CLHC1: variants seen among roughly 807,000 people sequenced by gnomAD.
CLHC1 encodes the protein clathrin heavy chain linker domain containing 1.
A neutral mutation model predicts 69.5 loss-of-function variants in CLHC1; 72 were observed. The ratio of observed to expected loss-of-function variants is 1.04; its 90% confidence interval spans 0.86 to 1.26. CLHC1 has a LOEUF of 1.26. Ranked by LOEUF, CLHC1 falls within the 50% of genes most tolerant of loss-of-function variation. The probability of loss-of-function intolerance (pLI) is 0.00; values close to 1 mark genes in which losing one functional copy is unlikely to be tolerated. For missense variants in CLHC1, 790 were observed against 679.3 expected (o/e 1.16, Z -1.81); for synonymous variants, 223 against 224.3 (o/e 0.99, Z 0.05).
chr2:55,193,343 A>T (rs1175245922), intron 9 of CLHC1, among the ~76,000 whole-genome samples: 1 of 152,188 alleles, frequency 6.6e-6, no homozygotes, highest in Non-Finnish European at 1.5e-5. Flanking sequence ...TTTAAATTAA[A>T]AAGAGTGAAA....
intron 9 of CLHC1, among the ~76,000 whole-genome samples, chr2:55,195,116 C>T (rs1350656027): frequency 6.6e-6 from 1 of 152,138 alleles, no homozygotes. Context: ...GTATTATTAA[C>T]TATAGTCAAC....
In CLHC1 at chr2:55,209,450, T is replaced by A; in HGVS notation, c.768A>T (p.Pro256=). 1 of 1,611,792 alleles carries A rather than the reference T, an allele frequency of 6.2e-7. No homozygotes were observed. The stretch of plus-strand genomic sequence containing the variant: ...GAATTTGCTCCACAAAGTCTTGAAA[T>A]GGGCTGCTCATATCAGATTTTACCC... ...SSWVKSDMSS[P]FQDFVEQIQK... The change falls in exon 7 of 13, where the codon CCA becomes CCT. Residue 256 remains proline, a synonymous_variant. Coordinates refer to ENST00000401408, the MANE Select transcript of CLHC1 (RefSeq NM_152385.4).
At chr2:55,180,798 G>GAACT in intron 10 of CLHC1, 86 bp from the exon 11 acceptor site, 1 of 1,083,840 alleles carries the variant, frequency 9.2e-7, no homozygotes, top group Non-Finnish European at 1.4e-6. Context: ...CAGCACAGTA[G>GAACT]GACTGGATTT....
In CLHC1 at chr2:55,174,108, T is replaced by C. The variant is rs1290985682; in HGVS notation, c.*1682A>G. Among the ~76,000 whole-genome samples the C allele has an allele frequency of 6.6e-6, 1 of 152,130 alleles. No individual in the cohort carries two copies. Among genetic ancestry groups the C allele is most frequent in the African/African-American group, 2.4e-5 (1 of 41,418 alleles). ...TTCCATTCCTTTTTTCCATCCTTTA[T>C]CTGCTCTTTTCAACAGCCTGTATGA... On this transcript the variant is annotated 3_prime_UTR_variant, in exon 13 of 13. Coordinates refer to ENST00000401408, the MANE Select transcript of CLHC1 (RefSeq NM_152385.4).
chr2:55,210,447 C>A (rs1362076652), intron 5 of CLHC1, among the ~76,000 whole-genome samples: 6 of 152,056 alleles, frequency 3.9e-5, no homozygotes, highest in Non-Finnish European at 8.8e-5. Context: ...TCGCTCGCCT[C>A]GGCCTCTCAA....
At chr2:55,228,957 C>G (rs537845074) in intron 1 of CLHC1, among the ~76,000 whole-genome samples, 4 of 152,018 alleles carry the variant, frequency 2.6e-5, no homozygotes, top group Admixed American at 2.0e-4. Context: ...TGAGATCAGT[C>G]TGGCCAACAT....
At position 55,172,906 on chromosome 2, in the gene CLHC1, CT is replaced by C. The variant is rs1669078147; in HGVS notation, c.*2883del. On this transcript the variant is annotated 3_prime_UTR_variant, in exon 13 of 13. Transcript: ENST00000401408. ...AAATTTTTTTCATTAGACTAGACTTCTGTTCAACATCTCTAAACCTTTCCAA... is the reference window on the plus strand; with the variant it reads ...AAATTTTTTTCATTAGACTAGACTTCGTTCAACATCTCTAAACCTTTCCAA... 6.6e-6 allele frequency among the ~76,000 whole-genome samples: 1 copy of C among 152,158 alleles called. No homozygotes were observed. Among genetic ancestry groups the C allele is most frequent in the South Asian group, 2.1e-4 (1 of 4,820 alleles).
In CLHC1 at chr2:55,174,041, G is replaced by A. The variant is rs958657196; in HGVS notation, c.*1749C>T. Among the ~76,000 whole-genome samples the A allele has an allele frequency of 1.4e-5, 2 of 147,082 alleles. No homozygotes were observed. Among genetic ancestry groups the A allele is most frequent in the African/African-American group, 2.5e-5 (1 of 39,794 alleles). ...AAAAAAAAAAAAAAGGTTTTAAGCC[G>A]TTGGCACACAAAGAACCAGTGCTGC... On this transcript the variant is annotated 3_prime_UTR_variant, in exon 13 of 13. Transcript: ENST00000401408.
intron 1 of CLHC1, among the ~76,000 whole-genome samples, chr2:55,228,843 C>T (rs965958562): frequency 2.0e-5 from 3 of 151,982 alleles, no homozygotes; most frequent in Non-Finnish European, 4.4e-5. Flanking sequence ...CATGTAGAAA[C>T]AGACAACACA....
At chr2:55,216,140 G>T (rs1370669503) in intron 4 of CLHC1, 2 of 139,494 alleles carry the variant, frequency 1.4e-5, no homozygotes, top group Non-Finnish European at 3.1e-5. Flanking sequence ...AAAAAAATTA[G>T]CCGGGCATGG....
intron 9 of CLHC1, among the ~76,000 whole-genome samples, chr2:55,199,467 T>A (rs534451430): frequency 6.6e-6 from 1 of 152,240 alleles, no homozygotes; most frequent in East Asian, 1.9e-4. Flanking sequence ...ATTACTCATA[T>A]CTTAAGTAGA....
intron 9 of CLHC1, among the ~76,000 whole-genome samples, chr2:55,205,400 TACACAC>T (rs35508061): frequency 1.4e-5 from 2 of 147,700 alleles, no homozygotes; most frequent in Non-Finnish European, 3.0e-5. Context: ...ATAAAGAAAA[TACACAC>T]ACACACACAC....
chr2:55,231,844 T>G (rs1249451874), intron 1 of CLHC1: 1 of 152,184 alleles, frequency 6.6e-6, no homozygotes, highest in Non-Finnish European at 1.5e-5. Flanking sequence ...ACTTTAAAAT[T>G]TGAAAACTCC....
intron 9 of CLHC1, among the ~76,000 whole-genome samples, chr2:55,187,141 C>T (rs1670489747): frequency 6.6e-6 from 1 of 151,720 alleles, no homozygotes; most frequent in South Asian, 2.1e-4. Context: ...AGAAATTAGC[C>T]AGGCATGGTG....
chr2:55,208,657 C>T lies in CLHC1; in HGVS notation c.868G>A (p.Glu290Lys), dbSNP rs1247392603. The T allele has an allele frequency of 4.3e-6, 7 of 1,612,284 alleles. No individual in the cohort carries two copies. Among genetic ancestry groups the T allele is most frequent in the Admixed American group, 1.7e-5 (1 of 59,944 alleles). ...LMEDDPRRAK[E>K]AEIMLHYIER... is the part of the protein sequence containing the mutation. ...ATGTAGTGAAGCATAATTTCAGCTTCTTTTGCCCTGCGTGGATCATCTTCC... is the reference window on the plus strand; with the variant it reads ...ATGTAGTGAAGCATAATTTCAGCTTTTTTTGCCCTGCGTGGATCATCTTCC... Residue 290 changes from glutamate (E) to lysine (K), a missense_variant, in exon 8 of 13, where the codon GAA becomes AAA. Coordinates refer to ENST00000401408, the MANE Select transcript of CLHC1 (RefSeq NM_152385.4).
Position 55,175,912 on chromosome 2 carries a change from A to T in CLHC1, c.1639T>A (p.Ser547Thr), listed in dbSNP as rs1669344374. ...EKWQEVANIC[S>T]QNGFDKLSND... ...GATAATTTGTCAAAGCCATTCTGTGAACATATATTTGCCACTTCTTGCCAC... is the reference window on the plus strand; with the variant it reads ...GATAATTTGTCAAAGCCATTCTGTGTACATATATTTGCCACTTCTTGCCAC... The change falls in exon 13 of 13, where the codon TCA (serine) becomes ACA (threonine). Residue 547 changes from serine to threonine, a missense_variant. Physicochemically the swap from Ser to Thr is moderately conservative, Grantham distance 58 (BLOSUM62 1). Coordinates refer to ENST00000401408, the MANE Select transcript of CLHC1 (RefSeq NM_152385.4). The T allele has an allele frequency of 6.2e-7, 1 of 1,614,076 alleles. No individual in the cohort carries two copies. The highest frequency in any genetic ancestry group is 8.5e-7 in the Non-Finnish European group (1 of 1,179,940).
chr2:55,184,358 G>T (rs1670217625), intron 9 of CLHC1, among the ~76,000 whole-genome samples: 1 of 152,058 alleles, frequency 6.6e-6, no homozygotes, highest in Non-Finnish European at 1.5e-5. Flanking sequence ...GCCTGCCTCA[G>T]CCTCCCAAAG....
rs561446032 is a variant in CLHC1, at chr2:55,219,643, C to T, written c.178-1645G>A. ...CCACCATTCCTTATTCTCTTATAGT[C>T]AGCCCACTTAACTCTTTTATATTAC... is the stretch of plus-strand genomic sequence containing the variant. On this transcript the variant is annotated intron_variant, in intron 3 of 12. Coordinates refer to ENST00000401408, the MANE Select transcript of CLHC1 (RefSeq NM_152385.4). Among the ~76,000 whole-genome samples the T allele has an allele frequency of 2.2e-4, 33 of 152,216 alleles. No homozygotes were observed. The South Asian group carries it at 6.8e-3, about 32-fold the overall frequency.
At chr2:55,182,028 G>GAC (rs1287212395) in intron 9 of CLHC1, among the ~76,000 whole-genome samples, 1 of 152,032 alleles carries the variant, frequency 6.6e-6, no homozygotes, top group Non-Finnish European at 1.5e-5. Flanking sequence ...GCATGGAATG[G>GAC]AATCTCCCTT....
Sources: allele counts gnomAD v4.1 joint callset (sites outside exome capture counted in the v4.1 genomes callset), GRCh38; gene constraint gnomAD v4.1.1; transcripts MANE v1.5; gene names NCBI Gene and HGNC (gene_info 2026-07-23, HGNC 2026-07-21).